The following VRK3 variants were observed in gnomAD, a reference collection of about 807,000 sequenced individuals.
The protein encoded by VRK3 is VRK serine/threonine kinase 3.
A neutral mutation model predicts 60.4 loss-of-function variants in VRK3; 50 were observed. The ratio of observed to expected loss-of-function variants is 0.83; its 90% CI spans 0.66 to 1.05. The LOEUF (loss-of-function observed/expected upper bound fraction) is 1.05. Ranked by LOEUF, VRK3 falls within the 50% of genes least tolerant of loss-of-function variation. VRK3 has a pLI of 0.00. For synonymous variants in VRK3, 246 were observed against 227.8 expected, an observed-to-expected ratio of 1.08 and a Z score of -0.72; for missense variants, 549 against 585.3, an observed-to-expected ratio of 0.94 and a Z score of 0.64.
chr19:49,998,651 G>GAT (rs1483182418), intron 6 of VRK3: 6 of 152,092 alleles, frequency 3.9e-5, no homozygotes, highest in Non-Finnish European at 7.3e-5. Flanking sequence ...GGGCATTGGG[G>GAT]ATATAGCTGT....
rs1444947862 is a variant in VRK3, at chr19:49,995,267, A to C, written c.688T>G (p.Trp230Gly). 1.9e-6 allele frequency: 3 copies of C among 1,614,164 alleles called. No homozygotes were observed. Among genetic ancestry groups the C allele is most frequent in the Non-Finnish European group, 2.5e-6 (3 of 1,180,008 alleles). ...AGTGGGGTCGAGTACAGCTTCTTCC[A>C]CTTGTTGACTGCGGAAAGCAGGGGC... ...RAAKPLQVNK[W>G]KKLYSTPLLA... The change falls in exon 8 of 15, where the codon TGG (tryptophan) becomes GGG (glycine). Residue 230 changes from tryptophan (W) to glycine (G), a missense_variant. By Grantham distance (184) the Trp-to-Gly change is radical (BLOSUM62 -2). Coordinates refer to ENST00000316763, the MANE Select transcript of VRK3 (RefSeq NM_016440.4).
chr19:50,001,018 C>G (rs890634315), intron 5 of VRK3, 164 bp from the exon 6 acceptor site: 1 of 617,204 alleles, frequency 1.6e-6, no homozygotes, highest in African/African-American at 1.9e-5. Flanking sequence ...TTTAAATAAG[C>G]TTCTTCTTCC....
chr19:49,997,696 C>A, intron 6 of VRK3, 126 bp from the exon 7 acceptor site: 1 of 968,248 alleles, frequency 1.0e-6, no homozygotes, highest in Non-Finnish European at 1.5e-6. Flanking sequence ...ACATCGGAGC[C>A]AAATTCCTCA....
chr19:50,019,996 T>A (rs1029299176), intron 2 of VRK3, among the ~76,000 whole-genome samples: 1 of 151,780 alleles, frequency 6.6e-6, no homozygotes, highest in African/African-American at 2.4e-5. Context: ...TTCCTGTCAG[T>A]GTCCCATGTA....
chr19:50,023,968 CTA>C (rs1376103468), intron 1 of VRK3, among the ~76,000 whole-genome samples: 1 of 152,340 alleles, frequency 6.6e-6, no homozygotes, highest in East Asian at 1.9e-4. Context: ...CAGAGTTTTG[CTA>C]TGTCACCCAG....
Position 49,989,685 on chromosome 19 carries a change from G to A in VRK3, c.1050C>T (p.His350=), listed in dbSNP as rs147687747. 13 of 1,613,722 alleles carry A rather than the reference G, an allele frequency of 8.1e-6. No individual in the cohort carries two copies. The Admixed American group carries it at 8.3e-5, about 10-fold the overall frequency. The change falls in exon 11 of 15, where the codon CAC becomes CAT. Residue 350 remains histidine, a synonymous_variant. Coordinates refer to ENST00000316763, the MANE Select transcript of VRK3 (RefSeq NM_016440.4). ...VAYVEGSRSP[H]EGDLEFISMD... is the part of the protein sequence containing the mutation. ...TGCTAATGAACTCAAGGTCCCCCTCGTGAGGGCTCCTGCTGCCTTCCACGT... is the reference window on the plus strand; with the variant it reads ...TGCTAATGAACTCAAGGTCCCCCTCATGAGGGCTCCTGCTGCCTTCCACGT...
chr19:50,007,476 G>A, intron 5 of VRK3, 93 bp downstream of exon 5: 5 of 1,560,744 alleles, frequency 3.2e-6, no homozygotes, highest in Non-Finnish European at 4.4e-6. Context: ...AGCTAGGGAT[G>A]TGGCTTCCAT....
Position 50,007,561 on chromosome 19 carries a change from G to C in VRK3, c.547+8C>G, listed in dbSNP as rs369061928. The C allele has an allele frequency of 6.8e-6, 11 of 1,613,976 alleles. No homozygotes were observed. The highest frequency in any genetic ancestry group is 8.5e-6 in the Non-Finnish European group (10 of 1,179,914). On this transcript the variant is annotated splice_region_variant and intron_variant, in intron 5 of 14. Transcript: ENST00000316763. ...CCCAGTCCCTGGCCGCCCATGGACAGAGTGTACCTTCATAGAGAATGCCCT... is the reference window on the plus strand; with the variant it reads ...CCCAGTCCCTGGCCGCCCATGGACACAGTGTACCTTCATAGAGAATGCCCT...
At chr19:49,992,609 T>C (rs1184274103) in intron 10 of VRK3, among the ~76,000 whole-genome samples, 3 of 152,236 alleles carry the variant, frequency 2.0e-5, no homozygotes, top group Non-Finnish European at 4.4e-5. Context: ...TCTCTATAGT[T>C]ACTAAGGAGG....
chr19:50,013,542 C>T (rs992283637), intron 3 of VRK3, among the ~76,000 whole-genome samples: 14 of 152,220 alleles, frequency 9.2e-5, no homozygotes, highest in African/African-American at 1.2e-4. Flanking sequence ...CTTGACTCCC[C>T]GCCATGTATG....
intron 2 of VRK3, among the ~76,000 whole-genome samples, chr19:50,019,584 A>C (rs1166252441): frequency 6.9e-6 from 1 of 144,974 alleles, no homozygotes; most frequent in Non-Finnish European, 1.5e-5. Flanking sequence ...ATCATGGCTC[A>C]CTGCGGCCTC....
At chr19:50,014,701 G>A (rs2122567389) in intron 3 of VRK3, among the ~76,000 whole-genome samples, 1 of 152,338 alleles carries the variant, frequency 6.6e-6, no homozygotes, top group Middle Eastern at 3.4e-3. Context: ...GCGTGCTGAG[G>A]TGTGGAGGGG....
rs1244926220 is a variant in VRK3, at chr19:50,016,163, G to A, written c.-1C>T. 3 of 1,613,924 alleles carry A rather than the reference G, an allele frequency of 1.9e-6. No individual in the cohort carries two copies. Among genetic ancestry groups the A allele is most frequent in the Non-Finnish European group, 2.5e-6 (3 of 1,180,048 alleles). Reference sequence around the variant, plus strand: ...CACAGTCTGGACAGAAGGAGATCATGCTACAAAACAGAATGAACAAACACA... The same window carrying A: ...CACAGTCTGGACAGAAGGAGATCATACTACAAAACAGAATGAACAAACACA... On this transcript the variant is annotated splice_region_variant and 5_prime_UTR_variant, in exon 3 of 15. Transcript: ENST00000316763.
At chr19:50,012,491 TACAG>T (rs1407516099) in intron 3 of VRK3, among the ~76,000 whole-genome samples, 5 of 152,282 alleles carry the variant, frequency 3.3e-5, no homozygotes, top group African/African-American at 1.2e-4. Context: ...TCGGGACAAA[TACAG>T]CACCTCAGCA....
intron 6 of VRK3, chr19:50,000,044 C>T (rs1328553150): frequency 6.6e-6 from 1 of 152,276 alleles, no homozygotes; most frequent in African/African-American, 2.4e-5. Flanking sequence ...ACGCTCTGAC[C>T]CACTCTCATG....
intron 12 of VRK3, chr19:49,981,316 G>GA (rs1001885898): frequency 2.9e-6 from 1 of 346,020 alleles, no homozygotes. Context: ...GGAGGCCGAG[G>GA]GGGGTGGATC....
intron 1 of VRK3, among the ~76,000 whole-genome samples, chr19:50,024,259 C>A (rs954325495): frequency 1.3e-4 from 20 of 152,108 alleles, no homozygotes; most frequent in African/African-American, 4.8e-4. Context: ...ATTTTAGAAC[C>A]TATTACATAT....
intron 13 of VRK3, among the ~76,000 whole-genome samples, chr19:49,979,640 C>T (rs1203941235): frequency 6.6e-6 from 1 of 152,206 alleles, no homozygotes; most frequent in Non-Finnish European, 1.5e-5. Flanking sequence ...TCACCTCCAC[C>T]TCCAACCTCT....
chr19:50,018,477 A>G (rs937966374), intron 2 of VRK3, among the ~76,000 whole-genome samples: 21 of 152,188 alleles, frequency 1.4e-4, no homozygotes, highest in African/African-American at 5.1e-4. Context: ...TGAGGAGAGA[A>G]GGGGTCCTGG....
Sources: allele counts gnomAD v4.1 joint callset (sites outside exome capture counted in the v4.1 genomes callset), GRCh38; gene constraint gnomAD v4.1.1; transcripts MANE v1.5; gene names NCBI Gene and HGNC (gene_info 2026-07-23, HGNC 2026-07-21).